The following SLAIN2 variants were observed in gnomAD, a reference collection of about 807,000 sequenced individuals.
The protein encoded by SLAIN2 is SLAIN family member 2.
SLAIN2 carries 31 observed loss-of-function variants against 56.6 expected under a neutral mutation model. The ratio of observed to expected loss-of-function variants is 0.55; its 90% CI spans 0.41 to 0.74. The LOEUF is 0.74. Ranked by LOEUF, SLAIN2 falls within the 30% of genes least tolerant of loss-of-function variation. The pLI is 0.00. For missense variants in SLAIN2, 777 were observed against 754.2 expected, an observed-to-expected ratio of 1.03 and a Z score of -0.35; for synonymous variants, 317 against 284.9, an observed-to-expected ratio of 1.11 and a Z score of -1.13.
At chr4:48,389,390 G>A (rs938443185) in intron 6 of SLAIN2, among the ~76,000 whole-genome samples, 1 of 152,220 alleles carries the variant, frequency 6.6e-6, no homozygotes, top group Non-Finnish European at 1.5e-5. Flanking sequence ...TGAATGCTTA[G>A]TATAGAGTTC....
chr4:48,378,540 T>C (rs1715887732), intron 3 of SLAIN2, among the ~76,000 whole-genome samples: 2 of 152,310 alleles, frequency 1.3e-5, no homozygotes, highest in South Asian at 4.1e-4. Context: ...AATGTTCTGC[T>C]CTGAGACTGT....
chr4:48,358,943 A>G (rs1715243586), intron 1 of SLAIN2, among the ~76,000 whole-genome samples: 1 of 150,532 alleles, frequency 6.6e-6, no homozygotes, highest in South Asian at 2.1e-4. Flanking sequence ...TTGGTCTTGA[A>G]CTCCTGACCT....
chr4:48,374,329 C>T (rs1457328013), intron 2 of SLAIN2, among the ~76,000 whole-genome samples: 15 of 152,010 alleles, frequency 9.9e-5, no homozygotes, highest in Admixed American at 8.5e-4. Context: ...CTCTGCCTCC[C>T]GGGTTCAAGC....
intron 6 of SLAIN2, among the ~76,000 whole-genome samples, chr4:48,399,865 G>T (rs772496384): frequency 3.9e-5 from 6 of 152,110 alleles, no homozygotes; most frequent in Non-Finnish European, 8.8e-5. Context: ...ACTGGATCTT[G>T]GTGGATAAGC....
At chr4:48,397,653 G>T (rs1012280009) in intron 6 of SLAIN2, among the ~76,000 whole-genome samples, 2 of 152,174 alleles carry the variant, frequency 1.3e-5, no homozygotes, top group East Asian at 3.9e-4. Context: ...TCCTGATGCT[G>T]TCCCTTCCCC....
chr4:48,357,158 T>G (rs562551449), intron 1 of SLAIN2, among the ~76,000 whole-genome samples: 93 of 151,618 alleles, frequency 6.1e-4, no homozygotes, highest in African/African-American at 2.1e-3. Flanking sequence ...TATCTTTTAG[T>G]TAGCTGATGG....
intron 6 of SLAIN2, among the ~76,000 whole-genome samples, chr4:48,387,165 A>T (rs1488127396): frequency 6.6e-6 from 1 of 152,184 alleles, no homozygotes; most frequent in African/African-American, 2.4e-5. Flanking sequence ...AGCATGTCAA[A>T]GCTTTATGGA....
At chr4:48,370,083 G>T in intron 2 of SLAIN2, 86 bp downstream of exon 2, 1 of 1,340,532 alleles carries the variant, frequency 7.5e-7, no homozygotes, top group South Asian at 1.4e-5. Flanking sequence ...TTTTTAGGAA[G>T]CAATTCTTTG....
chr4:48,415,642 T>C (rs1716981209), intron 6 of SLAIN2, among the ~76,000 whole-genome samples: 1 of 76,634 alleles, frequency 1.3e-5, no homozygotes, highest in African/African-American at 4.2e-5. Context: ...CCCACGCCTG[T>C]GTCCTGAATG....
chr4:48,377,102 A>T lies in SLAIN2; in HGVS notation c.539-794A>T, dbSNP rs375691840. ...ACCCCTGTAATCCCAGCACTTTAGG[A>T]GGCCAAGATAGGAGGATCACTTGAC... On this transcript the variant is annotated intron_variant, in intron 2 of 7. Transcript: ENST00000264313. Among the ~76,000 whole-genome samples, 40 of 151,762 alleles carry T rather than the reference A, an allele frequency of 2.6e-4. No individual in the cohort carries two copies. The East Asian group carries it at 7.4e-3, about 28-fold the overall frequency.
At chr4:48,358,323 C>CTT (rs34430243) in intron 1 of SLAIN2, among the ~76,000 whole-genome samples, 57 of 145,864 alleles carry the variant, frequency 3.9e-4, no homozygotes, top group East Asian at 8.0e-4. Context: ...ACTAACAAAG[C>CTT]TTTTTTTTTT....
At chr4:48,379,148 A>G (rs920043109) in intron 3 of SLAIN2, among the ~76,000 whole-genome samples, 3 of 152,122 alleles carry the variant, frequency 2.0e-5, no homozygotes, top group African/African-American at 7.2e-5. Flanking sequence ...TTGGTTTAGA[A>G]TGATAAAGTA....
intron 1 of SLAIN2, among the ~76,000 whole-genome samples, chr4:48,345,844 G>A (rs1389975242): frequency 6.6e-6 from 1 of 152,010 alleles, no homozygotes; most frequent in Non-Finnish European, 1.5e-5. Flanking sequence ...ATATTAAATT[G>A]ACATAATAAA....
At chr4:48,377,380 T>C (rs1356410955) in intron 2 of SLAIN2, among the ~76,000 whole-genome samples, 1 of 147,058 alleles carries the variant, frequency 6.8e-6, no homozygotes, top group South Asian at 2.2e-4. Flanking sequence ...GGTTTCACCA[T>C]GTTGGCCAAG....
At position 48,341,909 on chromosome 4, in the gene SLAIN2, C is replaced by G. The variant is rs541736876; in HGVS notation, c.170C>G (p.Pro57Arg). 64 of 1,507,896 alleles carry G rather than the reference C, an allele frequency of 4.2e-5. No individual in the cohort carries two copies. The South Asian group carries it at 6.6e-4, about 16-fold the overall frequency. 93.4% of individuals were successfully genotyped at this position (1,507,896 alleles called of 1,614,324 possible). A position where few individuals can be genotyped will look rare whatever the true frequency, so the allele number is the denominator to read the frequency against. ...GSPVRAGASI[P>R]SSGAASPRGF... ...CCGGTTCGGGCCGGCGCGTCCATTCCCTCCTCCGGCGCGGCGTCTCCTCGG... is the reference window on the plus strand; with the variant it reads ...CCGGTTCGGGCCGGCGCGTCCATTCGCTCCTCCGGCGCGGCGTCTCCTCGG... The change falls in exon 1 of 8, where the codon CCC (proline) becomes CGC (arginine). Residue 57 changes from proline to arginine, a missense_variant. By Grantham distance (103) the Pro-to-Arg change is moderately radical. Coordinates refer to ENST00000264313, the MANE Select transcript of SLAIN2 (RefSeq NM_020846.2).
intron 6 of SLAIN2, among the ~76,000 whole-genome samples, chr4:48,387,802 A>G (rs1716138195): frequency 6.6e-6 from 1 of 151,274 alleles, no homozygotes; most frequent in South Asian, 2.1e-4. Context: ...ATACATGAAA[A>G]TATATATGTA....
intron 1 of SLAIN2, among the ~76,000 whole-genome samples, chr4:48,364,203 T>G (rs1339714425): frequency 4.1e-4 from 19 of 46,632 alleles, no homozygotes; most frequent in Non-Finnish European, 6.3e-4. Context: ...AGACGGGGTC[T>G]CGGCCGGGCA....
chr4:48,362,435 T>G (rs1401802034), intron 1 of SLAIN2, among the ~76,000 whole-genome samples: 1 of 151,584 alleles, frequency 6.6e-6, no homozygotes, highest in African/African-American at 2.4e-5. Flanking sequence ...TTTTTTTTTT[T>G]TTGGACAGAG....
At chr4:48,345,076 A>G (rs1714826385) in intron 1 of SLAIN2, among the ~76,000 whole-genome samples, 3 of 152,210 alleles carry the variant, frequency 2.0e-5, no homozygotes, top group Admixed American at 2.0e-4. Flanking sequence ...TTTTCTAGGT[A>G]AGAAAACTAA....
Sources: allele counts gnomAD v4.1 joint callset (sites outside exome capture counted in the v4.1 genomes callset), GRCh38; gene constraint gnomAD v4.1.1; transcripts MANE v1.5; gene names NCBI Gene and HGNC (gene_info 2026-07-23, HGNC 2026-07-21).